The following SRGAP3 variants were observed in gnomAD, a reference collection of about 807,000 sequenced individuals.
The protein encoded by SRGAP3 is SLIT-ROBO Rho GTPase-activating protein 3.
A neutral mutation model predicts 121.1 loss-of-function variants in SRGAP3; 39 were observed. The observed-to-expected ratio is 0.32, with a 90% CI of 0.25 to 0.42. The LOEUF is 0.42. Among genes scored for constraint, SRGAP3 ranks in the 10% least tolerant of loss-of-function variants. The pLI, the probability that SRGAP3 is intolerant of heterozygous loss-of-function variation, is 1.00. For synonymous variants in SRGAP3, 601 were observed against 570.0 expected, an observed-to-expected ratio of 1.05 and a Z score of -0.77; for missense variants, 1,213 against 1,470.6, an observed-to-expected ratio of 0.82 and a Z score of 2.86.
chr3:9,095,904 C>A (rs923578669), intron 3 of SRGAP3, among the ~76,000 whole-genome samples: 2 of 151,406 alleles, frequency 1.3e-5, no homozygotes, highest in Admixed American at 1.3e-4. Flanking sequence ...CCTGTCTGTA[C>A]AAAAACTGGA....
intron 2 of SRGAP3, among the ~76,000 whole-genome samples, chr3:9,330,075 A>G (rs1955582711): frequency 6.6e-6 from 1 of 152,230 alleles, no homozygotes; most frequent in African/African-American, 2.4e-5. Context: ...AGCCAGAAGG[A>G]ACTCAGTTTT....
chr3:9,125,653 C>T (rs925391842), intron 1 of SRGAP3, among the ~76,000 whole-genome samples: 1 of 152,222 alleles, frequency 6.6e-6, no homozygotes, highest in African/African-American at 2.4e-5. Context: ...AAGCTGGAAG[C>T]TGGAGTTAAA....
At chr3:9,120,583 G>A (rs931823222) in intron 2 of SRGAP3, among the ~76,000 whole-genome samples, 2 of 152,218 alleles carry the variant, frequency 1.3e-5, no homozygotes, top group African/African-American at 4.8e-5. Flanking sequence ...AGAACCCTGG[G>A]TTTTCATGCT....
intron 3 of SRGAP3, chr3:9,257,147 T>A (rs1000360259): frequency 6.5e-6 from 2 of 309,814 alleles, no homozygotes; most frequent in Admixed American, 1.0e-4. Context: ...CACCTTATAT[T>A]TTTTTAATTC....
intron 5 of SRGAP3, among the ~76,000 whole-genome samples, chr3:9,060,737 C>A (rs1946120823): frequency 1.9e-5 from 2 of 106,668 alleles, no homozygotes; most frequent in African/African-American, 6.7e-5. Context: ...CCATGCCCGG[C>A]CCAGTGGTTT....
chr3:9,083,100 C>T (rs1947314071), intron 3 of SRGAP3, among the ~76,000 whole-genome samples: 1 of 152,202 alleles, frequency 6.6e-6, no homozygotes, highest in African/African-American at 2.4e-5. Context: ...TTCTCCATGA[C>T]TCTCTCAAGT....
intron 5 of SRGAP3, 59 bp downstream of exon 5, chr3:9,064,337 C>G: frequency 6.2e-7 from 1 of 1,610,986 alleles, no homozygotes; most frequent in East Asian, 2.2e-5. Context: ...CCGCCAAGAC[C>G]ATGGCCCTCC....
chr3:9,212,211 G>A (rs1952470368), intron 1 of SRGAP3, among the ~76,000 whole-genome samples: 2 of 152,204 alleles, frequency 1.3e-5, no homozygotes, highest in South Asian at 4.1e-4. Context: ...AGTAGAGGAT[G>A]AAGGAGTTAA....
chr3:9,172,728 T>C (rs888017538), intron 1 of SRGAP3, among the ~76,000 whole-genome samples: 1 of 152,098 alleles, frequency 6.6e-6, no homozygotes, highest in Non-Finnish European at 1.5e-5. Flanking sequence ...GAGCCACAGA[T>C]ACAACGTCAT....
rs759170968 is a variant in SRGAP3, at chr3:9,058,416, T to A, written c.858A>T (p.Ser286=). 1.2e-5 allele frequency: 20 copies of A among 1,614,188 alleles called. No individual in the cohort carries two copies. In the Admixed American group the frequency reaches 3.3e-4, roughly 27 times the overall value. Residue 286 remains serine, a synonymous_variant, in exon 7 of 22, where the codon TCA becomes TCT. Transcript: ENST00000383836. The part of the protein sequence containing the change: ...SLARTFRTYL[S]AEYNLETSRH... Reference sequence around the variant, plus strand: ...GAGAGGTCTCCAGGTTGTATTCAGCTGAGAGATAGGTCCGGAAGGTGCGGG... The same window carrying A: ...GAGAGGTCTCCAGGTTGTATTCAGCAGAGAGATAGGTCCGGAAGGTGCGGG...
rs148371019 is a variant in SRGAP3 at position 9,346,332 on chromosome 3, C to T, written n.215-15736G>A. On this transcript the variant is annotated intron_variant and non_coding_transcript_variant, in intron 1 of 3. Coordinates refer to the SRGAP3 transcript ENST00000490889. ...AAATCATAGCTCACTGCACCTTGAACTCCTGGGCTCAAGTGTTCCGCCATC... is the reference window on the plus strand; with the variant it reads ...AAATCATAGCTCACTGCACCTTGAATTCCTGGGCTCAAGTGTTCCGCCATC... Among the ~76,000 whole-genome samples the T allele has an allele frequency of 7.9e-3, 1,207 of 152,208 alleles. 23 individuals are homozygous for T. The highest frequency in any genetic ancestry group is 0.027 in the African/African-American group (1,117 of 41,532).
chr3:9,361,065 C>A (rs116070980), intron 1 of SRGAP3, among the ~76,000 whole-genome samples: 4 of 152,028 alleles, frequency 2.6e-5, no homozygotes, highest in African/African-American at 9.7e-5. Flanking sequence ...GGCCATTTGT[C>A]CATCTTTTGG....
chr3:9,090,130 G>A lies in SRGAP3; in HGVS notation c.424-10043C>T, dbSNP rs376177911. On this transcript the variant is annotated intron_variant, in intron 3 of 21. Transcript: ENST00000383836. Reference sequence around the variant, plus strand: ...ATGCTTATGTCAGTCTGTAGATACCGAAATGACCACTGAATGAGACGGCCT... The same window carrying A: ...ATGCTTATGTCAGTCTGTAGATACCAAAATGACCACTGAATGAGACGGCCT... 3.9e-5 allele frequency among the ~76,000 whole-genome samples: 6 copies of A among 152,026 alleles called. No homozygotes were observed. The South Asian group carries it at 8.3e-4, about 21-fold the overall frequency.
intron 14 of SRGAP3, among the ~76,000 whole-genome samples, chr3:9,019,621 A>C (rs560484254): frequency 2.6e-5 from 4 of 152,330 alleles, no homozygotes; most frequent in African/African-American, 9.6e-5. Context: ...CTGGAAACTC[A>C]TCCTTGGATC....
At chr3:9,187,776 C>T (rs983180846) in intron 1 of SRGAP3, among the ~76,000 whole-genome samples, 22 of 152,190 alleles carry the variant, frequency 1.4e-4, no homozygotes, top group African/African-American at 2.4e-4. Flanking sequence ...CTCATTTCAC[C>T]GAACGCTCGC....
chr3:9,124,383 G>T (rs779089180), intron 2 of SRGAP3, among the ~76,000 whole-genome samples: 5 of 152,112 alleles, frequency 3.3e-5, no homozygotes, highest in Non-Finnish European at 5.9e-5. Context: ...GGAGGTAGGG[G>T]TCTCACCAGG....
At chr3:9,361,950 G>A (rs774377135) in intron 1 of SRGAP3, among the ~76,000 whole-genome samples, 1 of 152,134 alleles carries the variant, frequency 6.6e-6, no homozygotes, top group Non-Finnish European at 1.5e-5. Context: ...GGGATCCACA[G>A]AGAGGCATGA....
chr3:9,091,251 A>T (rs569645713), intron 3 of SRGAP3, among the ~76,000 whole-genome samples: 1 of 152,152 alleles, frequency 6.6e-6, no homozygotes, highest in Non-Finnish European at 1.5e-5. Flanking sequence ...TGCGTCAGCC[A>T]GCCCCCTGTC....
chr3:9,264,300 A>C (rs1954313277), intron 3 of SRGAP3, among the ~76,000 whole-genome samples: 1 of 152,218 alleles, frequency 6.6e-6, no homozygotes, highest in South Asian at 2.1e-4. Context: ...ATTCCCTTTG[A>C]AAACTGGCAC....
Sources: allele counts gnomAD v4.1 joint callset (sites outside exome capture counted in the v4.1 genomes callset), GRCh38; gene constraint gnomAD v4.1.1; transcripts MANE v1.5; gene names NCBI Gene and HGNC (gene_info 2026-07-23, HGNC 2026-07-21).